The following ATP10A variants were observed in gnomAD, a reference collection of about 807,000 sequenced individuals.
ATP10A encodes the protein phospholipid-transporting ATPase VA.
A neutral mutation model predicts 147.8 loss-of-function variants in ATP10A; 111 were observed. That is an observed-to-expected ratio of 0.75 (90% CI 0.64 to 0.88). The LOEUF is 0.88. Among genes scored for constraint, ATP10A ranks in the 40% least tolerant of loss-of-function variants. The probability of loss-of-function intolerance (pLI) is 0.00; values close to 1 mark genes in which losing one functional copy is unlikely to be tolerated. For missense variants in ATP10A, 1,927 were observed against 1,959.0 expected, an observed-to-expected ratio of 0.98 and a Z score of 0.31; for synonymous variants, 875 against 841.6, an observed-to-expected ratio of 1.04 and a Z score of -0.69.
At chr15:25,732,616 T>C (rs1399022673) in intron 3 of ATP10A, among the ~76,000 whole-genome samples, 1 of 30,176 alleles carries the variant, frequency 3.3e-5, no homozygotes. Context: ...AGTGCAGTGG[T>C]GTGATTCTGG....
At chr15:25,836,939 C>A (rs1892624049) in intron 1 of ATP10A, among the ~76,000 whole-genome samples, 1 of 152,160 alleles carries the variant, frequency 6.6e-6, no homozygotes, top group African/African-American at 2.4e-5. Flanking sequence ...CCATGGGGCT[C>A]TCTTTTCTTA....
At chr15:25,849,476 A>T (rs987117380) in intron 1 of ATP10A, among the ~76,000 whole-genome samples, 1 of 152,208 alleles carries the variant, frequency 6.6e-6, no homozygotes, top group Non-Finnish European at 1.5e-5. Flanking sequence ...CAAGAATTAC[A>T]GACACCACCC....
At chr15:25,848,562 C>T (rs1221837542) in intron 1 of ATP10A, among the ~76,000 whole-genome samples, 2 of 152,080 alleles carry the variant, frequency 1.3e-5, no homozygotes, top group African/African-American at 2.4e-5. Context: ...TTGCCTTTTC[C>T]AGCTCCTAGA....
chr15:25,721,565 TGTG>T, intron 7 of ATP10A, 89 bp downstream of exon 7: 1 of 1,232,576 alleles, frequency 8.1e-7, no homozygotes, highest in East Asian at 2.3e-5. Flanking sequence ...TGTGTGTGTG[TGTG>T]TGTGTGTGTG....
intron 1 of ATP10A, among the ~76,000 whole-genome samples, chr15:25,791,565 G>A (rs1410112370): frequency 6.6e-6 from 1 of 151,768 alleles, no homozygotes; most frequent in African/African-American, 2.4e-5. Context: ...TTTTAACTTG[G>A]TTGTAGAGAC....
chr15:25,704,679 T>C (rs575318285), intron 12 of ATP10A, among the ~76,000 whole-genome samples: 1 of 152,322 alleles, frequency 6.6e-6, no homozygotes, highest in Admixed American at 6.5e-5. Context: ...AAAGGAGTTA[T>C]GGGAGGGACC....
intron 1 of ATP10A, among the ~76,000 whole-genome samples, chr15:25,832,563 T>G (rs987868894): frequency 6.6e-6 from 1 of 151,980 alleles, no homozygotes; most frequent in Non-Finnish European, 1.5e-5. Context: ...TAAATTCGTT[T>G]CCTTTTTTTT....
In ATP10A at chr15:25,707,935, C is replaced by T. The variant is rs778604460; in HGVS notation, c.2575+41G>A. The T allele has an allele frequency of 5.0e-6, 8 of 1,603,240 alleles. No individual in the cohort carries two copies. In the South Asian group the frequency reaches 8.8e-5, roughly 18 times the overall value. On this transcript the variant is annotated intron_variant, in intron 12 of 20. Transcript: ENST00000555815. ...ACCCCTCCAGGGCCGTCCCTGCAAA[C>T]TCCACACTGCCCTTAGGCATGCGAC...
chr15:25,863,173 G>C lies in ATP10A; in HGVS notation c.-77C>G, dbSNP rs1363978714. ...GGCCTCTTAGGTTATCATCACTCGC[G>C]GCCCGGGCGCGGCGGTGCGAGCTCC... On this transcript the variant is annotated 5_prime_UTR_variant, in exon 1 of 21. Coordinates refer to ENST00000555815, the MANE Select transcript of ATP10A (RefSeq NM_024490.4). 9.9e-7 allele frequency: 1 copy of C among 1,012,034 alleles called. No individual in the cohort carries two copies. Among genetic ancestry groups the C allele is most frequent in the Non-Finnish European group, 1.2e-6 (1 of 830,730 alleles). The allele number at this position is 1,012,034 out of a possible 1,614,324, so 62.7% of individuals were successfully genotyped here.
At chr15:25,781,301 C>T in intron 1 of ATP10A, 78 bp from the exon 2 acceptor site, 2 of 1,220,296 alleles carry the variant, frequency 1.6e-6, no homozygotes, top group Middle Eastern at 2.0e-4. Flanking sequence ...ACGTGGGGCT[C>T]ATATGGCAAT....
intron 1 of ATP10A, among the ~76,000 whole-genome samples, chr15:25,782,518 C>A (rs924471947): frequency 6.6e-6 from 1 of 152,096 alleles, no homozygotes. Context: ...CGTTAAGCCA[C>A]GTTAAGCCAA....
At chr15:25,713,462 G>A (rs1023477974) in intron 10 of ATP10A, among the ~76,000 whole-genome samples, 11 of 152,240 alleles carry the variant, frequency 7.2e-5, no homozygotes, top group Non-Finnish European at 5.9e-5. Flanking sequence ...AGGTGGGGGT[G>A]TGCAGGCATG....
intron 13 of ATP10A, 62 bp from the exon 14 acceptor site, chr15:25,695,208 C>G: frequency 1.4e-6 from 2 of 1,474,514 alleles, no homozygotes; most frequent in East Asian, 2.3e-5. Context: ...CATCCCCGCC[C>G]TGGCTCAACA....
In ATP10A at chr15:25,725,962, A is replaced by G; in HGVS notation, c.968T>C (p.Phe323Ser). ...CVLLLVCMSLFSAVGHGLWIW... is the reference protein window; with the variant it reads ...CVLLLVCMSLSSAVGHGLWIW... ...TCTAGGAGACTTACCGACTGCTGAAAACAGAGACATGCAAACAAGGAGCAG... is the reference window on the plus strand; with the variant it reads ...TCTAGGAGACTTACCGACTGCTGAAGACAGAGACATGCAAACAAGGAGCAG... The change falls in exon 5 of 21, where the codon TTT (phenylalanine) becomes TCT (serine). Residue 323 changes from phenylalanine (F) to serine (S), a missense_variant. Transcript: ENST00000555815. 6.2e-7 allele frequency: 1 copy of G among 1,613,450 alleles called. No individual in the cohort carries two copies. Among genetic ancestry groups the G allele is most frequent in the Non-Finnish European group, 8.5e-7 (1 of 1,179,592 alleles).
At chr15:25,739,862 C>CA (rs1365655865) in intron 2 of ATP10A, among the ~76,000 whole-genome samples, 5 of 152,226 alleles carry the variant, frequency 3.3e-5, no homozygotes, top group Non-Finnish European at 5.9e-5. Flanking sequence ...AGAGGCAGGA[C>CA]AGTGGTGCAA....
chr15:25,795,572 G>A (rs1890635051), intron 1 of ATP10A, among the ~76,000 whole-genome samples: 1 of 152,190 alleles, frequency 6.6e-6, no homozygotes, highest in Admixed American at 6.5e-5. Flanking sequence ...CATATGTTAT[G>A]ACACTTATGC....
chr15:25,794,213 T>G (rs894500554), intron 1 of ATP10A, among the ~76,000 whole-genome samples: 1 of 152,202 alleles, frequency 6.6e-6, no homozygotes, highest in African/African-American at 2.4e-5. Flanking sequence ...AGATGTGCCT[T>G]TCCCTGAGGC....
chr15:25,679,769 G>A lies in ATP10A; in HGVS notation c.4072C>T (p.Gln1358Ter), dbSNP rs1328533173. The A allele has an allele frequency of 6.2e-7, 1 of 1,613,142 alleles. No individual in the cohort carries two copies. Among genetic ancestry groups the A allele is most frequent in the East Asian group, 2.2e-5 (1 of 44,862 alleles). Residue 1358 changes from glutamine (Q) to a stop codon, truncating the protein, a stop_gained, in exon 21 of 21, where the codon CAG becomes TAG. Coordinates refer to ENST00000555815, the MANE Select transcript of ATP10A (RefSeq NM_024490.4). LOFTEE classifies it high-confidence loss of function. Reference protein sequence around the residue: ...VPLSQPSWHTQQPVCSLEASG... With the variant: ...VPLSQPSWHT ...GCCTCCAGGGAGCAGACCGGCTGCT[G>A]TGTGTGCCAAGAAGGCTGGGACAGG...
chr15:25,821,433 A>G (rs1891883100), intron 1 of ATP10A, among the ~76,000 whole-genome samples: 1 of 152,106 alleles, frequency 6.6e-6, no homozygotes, highest in African/African-American at 2.4e-5. Flanking sequence ...GCATATGGCT[A>G]GTGACCTTAC....
Sources: gnomAD v4.1 joint callset for allele counts (sites outside exome capture counted in the v4.1 genomes callset) on GRCh38, gnomAD v4.1.1 for gene constraint, MANE v1.5 for transcripts, NCBI Gene and HGNC (gene_info 2026-07-23, HGNC 2026-07-21) for gene names.